The following CCDC178 variants were observed in gnomAD, a reference collection of about 807,000 sequenced individuals.
CCDC178 encodes coiled-coil domain-containing protein 178.
A neutral mutation model predicts 117.4 loss-of-function variants in CCDC178; 126 were observed. The ratio of observed to expected loss-of-function variants is 1.07; its 90% CI spans 0.93 to 1.24. The LOEUF is 1.24. Ranked by LOEUF, CCDC178 falls within the 50% of genes most tolerant of loss-of-function variation. CCDC178 has a pLI of 0.00. For synonymous variants in CCDC178, 283 were observed against 313.4 expected (o/e 0.90, Z 1.02); for missense variants, 1,030 against 986.9 (o/e 1.04, Z -0.59).
intron 17 of CCDC178, 25 bp from the exon 18 acceptor site, chr18:33,223,244 T>A (rs1475876301): frequency 5.1e-6 from 8 of 1,566,396 alleles, no homozygotes; most frequent in Non-Finnish European, 6.9e-6. Flanking sequence ...GATATTAAGA[T>A]GTGCAGCATT....
intron 22 of CCDC178, among the ~76,000 whole-genome samples, chr18:32,971,682 T>C (rs991919105): frequency 1.3e-5 from 2 of 152,088 alleles, no homozygotes; most frequent in East Asian, 3.9e-4. Flanking sequence ...CTCGCCAGTA[T>C]CTATGGTTTC....
chr18:33,129,780 A>G (rs144666641), intron 20 of CCDC178, among the ~76,000 whole-genome samples: 104 of 152,184 alleles, frequency 6.8e-4, no homozygotes, highest in Middle Eastern at 3.4e-3. Context: ...CAATTTTAAC[A>G]GATCAGACAA....
chr18:33,371,422 T>C (rs2063298023), intron 5 of CCDC178, among the ~76,000 whole-genome samples: 5 of 151,988 alleles, frequency 3.3e-5, no homozygotes, highest in African/African-American at 9.7e-5. Context: ...GATTATTATC[T>C]TGATTTCATA....
chr18:33,373,063 A>G (rs2063321508), intron 5 of CCDC178, among the ~76,000 whole-genome samples: 2 of 152,214 alleles, frequency 1.3e-5, no homozygotes, highest in African/African-American at 4.8e-5. Flanking sequence ...CCTCCATGCA[A>G]AGACTCTTTC....
chr18:33,217,992 T>G (rs755588421), intron 18 of CCDC178, among the ~76,000 whole-genome samples: 37 of 152,218 alleles, frequency 2.4e-4, no homozygotes, highest in Non-Finnish European at 4.0e-4. Flanking sequence ...TGAAATGATG[T>G]GCTGTTATGT....
At chr18:33,115,559 G>A (rs2057845230) in intron 20 of CCDC178, among the ~76,000 whole-genome samples, 2 of 151,938 alleles carry the variant, frequency 1.3e-5, no homozygotes, top group African/African-American at 4.8e-5. Context: ...ACTGACTACA[G>A]TTTTAGTAAT....
At chr18:33,411,757 C>A (rs369852456) in intron 3 of CCDC178, among the ~76,000 whole-genome samples, 6 of 152,158 alleles carry the variant, frequency 3.9e-5, no homozygotes, top group East Asian at 3.9e-4. Context: ...CTGATTACAG[C>A]ACACCATTGT....
intron 5 of CCDC178, among the ~76,000 whole-genome samples, chr18:33,377,274 GC>G (rs1438552318): frequency 6.7e-6 from 1 of 149,116 alleles, no homozygotes; most frequent in African/African-American, 2.5e-5. Context: ...TATGTCTTTT[GC>G]CCACTTCTTA....
At chr18:33,356,298 T>C (rs1050908194) in intron 7 of CCDC178, 26 bp downstream of exon 7, 1 of 1,466,606 alleles carries the variant, frequency 6.8e-7, no homozygotes, top group Middle Eastern at 1.8e-4. Flanking sequence ...AATAAAATAG[T>C]TTTAAAAAGC....
At chr18:33,063,164 C>A (rs1180499111) in intron 21 of CCDC178, among the ~76,000 whole-genome samples, 1 of 152,170 alleles carries the variant, frequency 6.6e-6, no homozygotes, top group Non-Finnish European at 1.5e-5. Context: ...ACCATTGCCA[C>A]TGGCATTGCA....
chr18:33,267,240 T>A lies in CCDC178; in HGVS notation c.1234A>T (p.Asn412Tyr), dbSNP rs1599077379. 1 of 1,603,970 alleles carries A rather than the reference T, an allele frequency of 6.2e-7. No individual in the cohort carries two copies. Among genetic ancestry groups the A allele is most frequent in the Non-Finnish European group, 8.5e-7 (1 of 1,176,952 alleles). Residue 412 changes from asparagine to tyrosine, a missense_variant, in exon 13 of 23, where the codon AAT becomes TAT. Asn to Tyr is a moderately radical substitution (Grantham distance 143, BLOSUM62 -2). Transcript: ENST00000383096. The part of the protein sequence containing the change: ...QLTWKQKSHE[N>Y]QYLEAVNDFY... ...TCATTAACTGCTTCCAGATACTGAT[T>A]TTCATGACTTTTTTGCTTCCAGGTT...
intron 21 of CCDC178, among the ~76,000 whole-genome samples, chr18:32,983,626 TAGAA>T (rs1365686096): frequency 3.9e-5 from 6 of 152,084 alleles, no homozygotes; most frequent in Non-Finnish European, 8.8e-5. Flanking sequence ...TTATTTTAGA[TAGAA>T]AGAAGGTAGA....
At chr18:33,309,366 G>A (rs2062304369) in intron 11 of CCDC178, among the ~76,000 whole-genome samples, 1 of 151,844 alleles carries the variant, frequency 6.6e-6, no homozygotes, top group South Asian at 2.1e-4. Context: ...ATAATGACTA[G>A]CTTTGTCTAA....
intron 14 of CCDC178, among the ~76,000 whole-genome samples, chr18:33,256,638 A>G (rs1259028918): frequency 1.3e-5 from 2 of 152,056 alleles, no homozygotes; most frequent in African/African-American, 4.8e-5. Flanking sequence ...ATCATCTGCC[A>G]TTATCTTTTT....
intron 5 of CCDC178, among the ~76,000 whole-genome samples, chr18:33,378,908 G>A (rs1469232880): frequency 2.0e-5 from 3 of 151,048 alleles, no homozygotes; most frequent in Non-Finnish European, 3.0e-5. Flanking sequence ...TTTTTTCATT[G>A]TGTCTTTGCA....
At chr18:33,421,618 G>T (rs996879336) in intron 2 of CCDC178, among the ~76,000 whole-genome samples, 1 of 152,152 alleles carries the variant, frequency 6.6e-6, no homozygotes, top group African/African-American at 2.4e-5. Flanking sequence ...ACCAGAGAAA[G>T]ATGCACAAAA....
intron 5 of CCDC178, among the ~76,000 whole-genome samples, chr18:33,373,039 T>C (rs2063321121): frequency 6.6e-6 from 1 of 152,196 alleles, no homozygotes; most frequent in Admixed American, 6.6e-5. Flanking sequence ...CTCTTGAGGT[T>C]AAAAATAATT....
intron 3 of CCDC178, among the ~76,000 whole-genome samples, chr18:33,400,787 A>G (rs147921605): frequency 9.2e-5 from 14 of 152,310 alleles, no homozygotes; most frequent in African/African-American, 2.2e-4. Context: ...AATTCCCTTC[A>G]AGAACTTTTC....
At chr18:33,083,603 T>G (rs550735103) in intron 21 of CCDC178, among the ~76,000 whole-genome samples, 1 of 152,336 alleles carries the variant, frequency 6.6e-6, no homozygotes, top group East Asian at 1.9e-4. Flanking sequence ...TTGCTTTGTA[T>G]TTTTTAAAAT....
Sources: gnomAD v4.1 joint callset for allele counts (sites outside exome capture counted in the v4.1 genomes callset) on GRCh38, gnomAD v4.1.1 for gene constraint, MANE v1.5 for transcripts, NCBI Gene and HGNC (gene_info 2026-07-23, HGNC 2026-07-21) for gene names.